The following CHGA variants were observed in gnomAD, a reference collection of about 807,000 sequenced individuals.
The protein encoded by CHGA is chromogranin-A.
CHGA carries 41 observed loss-of-function variants against 54.4 expected under a neutral mutation model. The observed-to-expected ratio is 0.75, with a 90% CI of 0.59 to 0.98. The LOEUF (loss-of-function observed/expected upper bound fraction) is 0.98. Among genes scored for constraint, CHGA ranks in the 50% least tolerant of loss-of-function variants. The pLI is 0.00. For synonymous variants in CHGA, 249 were observed against 232.8 expected (o/e 1.07, Z -0.63); for missense variants, 576 against 582.3 (o/e 0.99, Z 0.11).
Position 92,932,413 on chromosome 14 carries a change from G to T in CHGA, c.852G>T (p.Gly284=), listed in dbSNP as rs200777605. 29 of 1,576,132 alleles carry T rather than the reference G, an allele frequency of 1.8e-5. No individual in the cohort carries two copies. The East Asian group carries it at 6.6e-4, about 36-fold the overall frequency. Residue 284 remains glycine (G), a synonymous_variant, in exon 7 of 8, where the codon GGG becomes GGT. Transcript: ENST00000216492. This position sits in a 1 kb window ranked among gnomAD's most constrained non-coding sequence, Gnocchi z 5.3. ...ALAVDGAGKP[G]AEEAQDPEGK... is the part of the protein sequence containing the mutation. ...CTGTGGATGGAGCTGGGAAGCCTGG[G>T]GCTGAGGAGGCTCAGGACCCCGAAG...
chr14:92,927,504 CG>C (rs1886909724), intron 3 of CHGA, 45 bp from the exon 4 acceptor site: 1 of 1,461,634 alleles, frequency 6.8e-7, no homozygotes, highest in Non-Finnish European at 9.5e-7. Flanking sequence ...ATCTCTTTCT[CG>C]GCTGTTCTCT....
At chr14:92,931,189 TG>T in intron 5 of CHGA, 60 bp from the exon 6 acceptor site, 1 of 1,496,668 alleles carries the variant, frequency 6.7e-7, no homozygotes, top group Non-Finnish European at 9.0e-7. Context: ...AATTAGCCTG[TG>T]GGGAGGCCCC....
chr14:92,923,037 G>T, upstream of CHGA: 1 of 237,614 alleles, frequency 4.2e-6, no homozygotes, highest in Non-Finnish European at 8.1e-6. Context: ...GGTTAGAGGT[G>T]GGGGCGAGCG....
intron 5 of CHGA, among the ~76,000 whole-genome samples, chr14:92,930,465 C>T (rs1478854900): frequency 6.6e-6 from 1 of 152,206 alleles, no homozygotes; most frequent in African/African-American, 2.4e-5. Context: ...AAAGGGAAAG[C>T]CCGCAAGTGA....
intron 1 of CHGA, among the ~76,000 whole-genome samples, chr14:92,923,942 C>T (rs1886838383): frequency 1.3e-5 from 2 of 152,236 alleles, no homozygotes; most frequent in South Asian, 4.1e-4. Context: ...TGGCGCTCCC[C>T]GCTCCAAAGC....
intron 7 of CHGA, chr14:92,933,312 C>G (rs965274103): frequency 7.0e-5 from 11 of 156,520 alleles, no homozygotes; most frequent in Non-Finnish European, 1.4e-4. Flanking sequence ...CGGATGTGAG[C>G]TGGAAGACCT....
chr14:92,930,886 A>C (rs1027575530), intron 5 of CHGA, among the ~76,000 whole-genome samples: 1 of 152,242 alleles, frequency 6.6e-6, no homozygotes, highest in African/African-American at 2.4e-5. Flanking sequence ...CATGGAGGGG[A>C]GAATGAAGTT....
intron 3 of CHGA, 34 bp downstream of exon 3, chr14:92,926,732 C>A: frequency 6.4e-7 from 1 of 1,574,586 alleles, no homozygotes; most frequent in Non-Finnish European, 8.7e-7. Context: ...AGGGCTGCTG[C>A]CTGCTGGGCT....
rs1225308236 is a variant in CHGA, at chr14:92,924,227, G to A, written c.75G>A (p.Met25Ile). 1.1e-5 allele frequency: 17 copies of A among 1,612,372 alleles called. No individual in the cohort carries two copies. Among genetic ancestry groups the A allele is most frequent in the Non-Finnish European group, 1.4e-5 (17 of 1,179,590 alleles). Residue 25 changes from methionine to isoleucine, a missense_variant, in exon 2 of 8, where the codon ATG becomes ATA. Met to Ile is a conservative substitution (Grantham distance 10). Transcript: ENST00000216492. ...CTGCGCTCCCTGTGAACAGCCCTAT[G>A]AATAAAGGGGATACCGAGGTAAGAA... ...QVTALPVNSP[M>I]NKGDTEVMKC...
At chr14:92,930,435 G>C (rs1203128063) in intron 5 of CHGA, among the ~76,000 whole-genome samples, 4 of 152,220 alleles carry the variant, frequency 2.6e-5, no homozygotes, top group African/African-American at 9.6e-5. Flanking sequence ...CTGGATCCTG[G>C]TGTCTCCCAT....
At chr14:92,934,351 C>A (rs1212528463) in intron 7 of CHGA, among the ~76,000 whole-genome samples, 1 of 152,220 alleles carries the variant, frequency 6.6e-6, no homozygotes, top group African/African-American at 2.4e-5. Flanking sequence ...CAGCATGTAG[C>A]CCTGTCTCAG....
In CHGA at chr14:92,932,496, T is replaced by G. The variant is rs1489159632; in HGVS notation, c.935T>G (p.Val312Gly). 4.5e-6 allele frequency: 7 copies of G among 1,554,092 alleles called. No homozygotes were observed. In the East Asian group the frequency reaches 1.4e-4, roughly 32 times the overall value. The change falls in exon 7 of 8, where the codon GTC becomes GGC. Residue 312 changes from valine to glycine, a missense_variant. Val to Gly is a moderately radical substitution (Grantham distance 109). Transcript: ENST00000216492. This position sits in a 1 kb window ranked among gnomAD's most constrained non-coding sequence, Gnocchi z 5.3. ...GAGGAGGAGGAGGAGATGGCAGTGG[T>G]CCCGCAAGGCCTCTTCCGGGGTGGG... is the stretch of plus-strand genomic sequence containing the variant. The part of the protein sequence containing the change: ...QKEEEEEMAV[V>G]PQGLFRGGKS...
At chr14:92,927,455 G>C in intron 3 of CHGA, 95 bp from the exon 4 acceptor site, 1 of 1,032,470 alleles carries the variant, frequency 9.7e-7, no homozygotes, top group Non-Finnish European at 1.5e-6. Flanking sequence ...TGAGTTTCCA[G>C]AGTAAATTCC....
rs922975898 is a variant in CHGA at position 92,923,258 on chromosome 14, G to C, written c.-102G>C. ...GGCACTGCGCCCCCAGCCCCGCGCC[G>C]GTGCCACCGCAGCCCGACCCCGGCC... On this transcript the variant is annotated 5_prime_UTR_variant, in exon 1 of 8. Coordinates refer to ENST00000216492, the MANE Select transcript of CHGA (RefSeq NM_001275.4). 7.4e-5 allele frequency: 81 copies of C among 1,102,028 alleles called. No individual in the cohort carries two copies. In the East Asian group the frequency reaches 2.8e-3, roughly 39 times the overall value. The allele number at this position is 1,102,028 out of a possible 1,614,324, so 68.3% of individuals were successfully genotyped here. A position where few individuals can be genotyped will look rare whatever the true frequency, so the allele number is the denominator to read the frequency against.
Position 92,932,309 on chromosome 14 carries a change from G to A in CHGA, c.809-61G>A. On this transcript the variant is annotated intron_variant, in intron 6 of 7. Transcript: ENST00000216492. The surrounding 1 kb of genome is among the most constrained non-coding windows in gnomAD (Gnocchi z 5.3). Reference sequence around the variant, plus strand: ...CAGCAGAGGCCCCCAGGGAGTGGCAGAGACTGGGAAAATGGTGGTCCCCCA... The same window carrying A: ...CAGCAGAGGCCCCCAGGGAGTGGCAAAGACTGGGAAAATGGTGGTCCCCCA... The A allele has an allele frequency of 6.7e-7, 1 of 1,501,524 alleles. No homozygotes were observed. The highest frequency in any genetic ancestry group is 8.9e-7 in the Non-Finnish European group (1 of 1,122,200). 93.0% of individuals were successfully genotyped at this position (1,501,524 alleles called of 1,614,324 possible).
At position 92,931,720 on chromosome 14, in the gene CHGA, G is replaced by C. The variant is rs1400800791; in HGVS notation, c.808+18G>C. On this transcript the variant is annotated intron_variant, in intron 6 of 7. Transcript: ENST00000216492. ...AGGCGAGAGTACGTATGATGGCGAA[G>C]ACCTCAACGAACGTGTCTGGGAGAG... 1 of 1,541,816 alleles carries C rather than the reference G, an allele frequency of 6.5e-7. No homozygotes were observed. Among genetic ancestry groups the C allele is most frequent in the Admixed American group, 1.9e-5 (1 of 52,662 alleles).
intron 4 of CHGA, 136 bp downstream of exon 4, chr14:92,927,754 C>T (rs563338875): frequency 2.7e-6 from 2 of 731,796 alleles, no homozygotes; most frequent in Admixed American, 2.5e-5. Context: ...GCAGGATCCG[C>T]CGTGCCACCT....
At chr14:92,930,737 A>C (rs577350813) in intron 5 of CHGA, among the ~76,000 whole-genome samples, 1 of 152,352 alleles carries the variant, frequency 6.6e-6, no homozygotes, top group East Asian at 1.9e-4. Flanking sequence ...TTCAGTGGTT[A>C]TCATTCTAAT....
At position 92,923,331 on chromosome 14, in the gene CHGA, C is replaced by A; in HGVS notation, c.-29C>A. 1 of 1,322,462 alleles carries A rather than the reference C, an allele frequency of 7.6e-7. No homozygotes were observed. Among genetic ancestry groups the A allele is most frequent in the Non-Finnish European group, 9.6e-7 (1 of 1,038,808 alleles). The allele number at this position is 1,322,462 out of a possible 1,614,324, so 81.9% of individuals were successfully genotyped here. On this transcript the variant is annotated 5_prime_UTR_variant, in exon 1 of 8. Coordinates refer to ENST00000216492, the MANE Select transcript of CHGA (RefSeq NM_001275.4). ...CGGTGCCTAGGTGCCCGGCCCCACA[C>A]CGCCAGCTGCTCGGCGCCCGGGTCC...
Sources: gnomAD v4.1 joint callset for allele counts (sites outside exome capture counted in the v4.1 genomes callset) on GRCh38, gnomAD v4.1.1 for gene constraint, Gnocchi (gnomAD v3.1) non-coding constraint, MANE v1.5 for transcripts, NCBI Gene and HGNC (gene_info 2026-07-23, HGNC 2026-07-21) for gene names.